NWD1: variants seen among roughly 807,000 people sequenced by gnomAD.
The protein encoded by NWD1 is NACHT domain- and WD repeat-containing protein 1.
A neutral mutation model predicts 135.1 loss-of-function variants in NWD1; 129 were observed. The observed-to-expected ratio is 0.96, with a 90% CI of 0.83 to 1.11. The LOEUF is 1.11. Ranked by LOEUF, NWD1 falls within the 50% of genes least tolerant of loss-of-function variation. The pLI is 0.00. For synonymous variants in NWD1, 773 were observed against 786.0 expected (o/e 0.98, Z 0.28); for missense variants, 1,740 against 1,851.3 (o/e 0.94, Z 1.10).
At chr19:16,721,886 G>T (rs1225798124) in intron 1 of NWD1, among the ~76,000 whole-genome samples, 1 of 152,144 alleles carries the variant, frequency 6.6e-6, no homozygotes, top group South Asian at 2.1e-4. Context: ...TGAGGCAGGA[G>T]GATGGCTTGA....
rs369215847 is a variant in NWD1, at chr19:16,762,161, T to TCC, written c.2133+26_2133+27dup. The TCC allele has an allele frequency of 1.2e-4, 196 of 1,604,614 alleles. No individual in the cohort carries two copies. The African/African-American group carries it at 2.3e-3, about 19-fold the overall frequency. On this transcript the variant is annotated intron_variant, in intron 8 of 18. Coordinates refer to ENST00000524140, the MANE Select transcript of NWD1 (RefSeq NM_001007525.5). ...AAGGTGAGGTACCTGGGACCCCCAT[T>TCC]CCCCACCTGCAACCTCCACCCTGCC...
intron 4 of NWD1, among the ~76,000 whole-genome samples, chr19:16,737,351 A>G (rs1235592099): frequency 6.6e-6 from 1 of 151,694 alleles, no homozygotes; most frequent in Non-Finnish European, 1.5e-5. Flanking sequence ...ACAGCCTTGA[A>G]CTCCTGGGCT....
chr19:16,815,520 T>C lies in NWD1; in HGVS notation c.*481T>C, dbSNP rs1022599400. On this transcript the variant is annotated 3_prime_UTR_variant, in exon 19 of 19. Coordinates refer to ENST00000524140, the MANE Select transcript of NWD1 (RefSeq NM_001007525.5). The stretch of plus-strand genomic sequence containing the variant: ...CTCTTTTTCATTTTCATTCTCAGAC[T>C]TGCCACCCCCAGGTTAGCAACATGG... The C allele has an allele frequency of 2.0e-5, 11 of 548,222 alleles. No individual in the cohort carries two copies. The highest frequency in any genetic ancestry group is 1.5e-4 in the African/African-American group (8 of 52,642). 34.0% of individuals were successfully genotyped at this position (548,222 alleles called of 1,614,324 possible).
rs762781688 is a variant in NWD1 at position 16,807,681 on chromosome 19, G to T, written c.3832G>T (p.Val1278Phe). The T allele has an allele frequency of 3.7e-6, 6 of 1,611,946 alleles. No individual in the cohort carries two copies. The highest frequency in any genetic ancestry group is 5.1e-6 in the Non-Finnish European group (6 of 1,178,802). ...KLLFTGLVSG[V>F]VLVFPLNSRQ... Reference sequence around the variant, plus strand: ...CCTATTTACGGGCCTCGTGTCGGGGGTCGTCCTTGTGTTCCCCCTGAATTC... The same window carrying T: ...CCTATTTACGGGCCTCGTGTCGGGGTTCGTCCTTGTGTTCCCCCTGAATTC... Residue 1278 changes from valine (V) to phenylalanine (F), a missense_variant, in exon 18 of 19, where the codon GTC becomes TTC. Val to Phe is a conservative substitution (Grantham distance 50). Coordinates refer to ENST00000524140, the MANE Select transcript of NWD1 (RefSeq NM_001007525.5).
intron 17 of NWD1, among the ~76,000 whole-genome samples, chr19:16,800,757 AG>A (rs951992545): frequency 6.6e-6 from 1 of 152,106 alleles, no homozygotes; most frequent in Admixed American, 6.6e-5. Context: ...AATCCTATTC[AG>A]GAACGCCCCA....
intron 11 of NWD1, among the ~76,000 whole-genome samples, chr19:16,775,184 T>C (rs1200604497): frequency 6.6e-6 from 1 of 152,000 alleles, no homozygotes; most frequent in African/African-American, 2.4e-5. Flanking sequence ...CTAAGTACAA[T>C]GCATGGAGGA....
At chr19:16,792,648 C>T (rs560570514) in intron 14 of NWD1, among the ~76,000 whole-genome samples, 1 of 151,938 alleles carries the variant, frequency 6.6e-6, no homozygotes, top group East Asian at 1.9e-4. Context: ...CACCACTGCA[C>T]TCCAGCCTGG....
intron 11 of NWD1, among the ~76,000 whole-genome samples, chr19:16,774,245 T>TA (rs1236840213): frequency 1.4e-5 from 2 of 142,898 alleles, no homozygotes; most frequent in East Asian, 4.5e-4. Flanking sequence ...ACCCACCCAT[T>TA]CATACATCAG....
chr19:16,732,893 T>A (rs1274775890), intron 3 of NWD1, among the ~76,000 whole-genome samples: 1 of 151,584 alleles, frequency 6.6e-6, no homozygotes, highest in Non-Finnish European at 1.5e-5. Context: ...CCTTGCTGCT[T>A]ATGAGAATGA....
rs571275303 is a variant in NWD1 at position 16,750,131 on chromosome 19, G to A, written c.1489G>A (p.Gly497Arg). 88 of 1,613,910 alleles carry A rather than the reference G, an allele frequency of 5.5e-5. No homozygotes were observed. Among genetic ancestry groups the A allele is most frequent in the South Asian group, 3.8e-4 (35 of 91,076 alleles). Residue 497 changes from glycine (G) to arginine (R), a missense_variant, in exon 6 of 19, where the codon GGA (glycine) becomes AGA (arginine). Transcript: ENST00000524140. Reference sequence around the variant, plus strand: ...CTACTGGGAGGTGAAGCCCCTTTCCGGAAACCAAGGCCAGCAGATGATCCA... The same window carrying A: ...CTACTGGGAGGTGAAGCCCCTTTCCAGAAACCAAGGCCAGCAGATGATCCA... ...EAYWEVKPLS[G>R]NQGQQMIQLL... is the part of the protein sequence containing the mutation.
intron 18 of NWD1, chr19:16,812,841 G>A (rs536086726): frequency 3.8e-6 from 3 of 780,938 alleles, no homozygotes; most frequent in East Asian, 2.4e-5. Flanking sequence ...TGTTTGGAGT[G>A]TGCTGGATGG....
At chr19:16,775,586 A>G (rs1180406484) in intron 11 of NWD1, among the ~76,000 whole-genome samples, 1 of 152,216 alleles carries the variant, frequency 6.6e-6, no homozygotes, top group Admixed American at 6.5e-5. Context: ...GCAGAACTAA[A>G]TATTTCCACT....
chr19:16,814,226 C>T (rs1448299577), intron 18 of NWD1, among the ~76,000 whole-genome samples: 2 of 152,168 alleles, frequency 1.3e-5, no homozygotes, highest in Non-Finnish European at 1.5e-5. Context: ...TCTCAACACT[C>T]ACTCCCATTT....
chr19:16,728,405 C>T (rs1967414363), intron 2 of NWD1, among the ~76,000 whole-genome samples: 1 of 150,608 alleles, frequency 6.6e-6, no homozygotes, highest in Non-Finnish European at 1.5e-5. Flanking sequence ...CTGCCTCAGC[C>T]TCCTGAGCAG....
intron 12 of NWD1, among the ~76,000 whole-genome samples, chr19:16,787,237 C>T (rs969578620): frequency 6.6e-6 from 1 of 152,056 alleles, no homozygotes; most frequent in Non-Finnish European, 1.5e-5. Context: ...AATGATCCTC[C>T]CACCTCAGCT....
Position 16,725,061 on chromosome 19 carries a change from G to T in NWD1, c.-7+598G>T, listed in dbSNP as rs1410302666. ...GGGTCTCACTCTGTCGCCCAGGCTGGAGTGCAGTGGTATGATCTTGGCTCA... is the reference window on the plus strand; with the variant it reads ...GGGTCTCACTCTGTCGCCCAGGCTGTAGTGCAGTGGTATGATCTTGGCTCA... On this transcript the variant is annotated intron_variant, in intron 2 of 18. Transcript: ENST00000524140. Among the ~76,000 whole-genome samples, 4 of 150,876 alleles carry T rather than the reference G, an allele frequency of 2.7e-5. No homozygotes were observed. The East Asian group carries it at 7.8e-4, about 29-fold the overall frequency.
rs376841816 is a variant in NWD1, at chr19:16,749,889, T to C, written c.1247T>C (p.Phe416Ser). The C allele has an allele frequency of 5.0e-6, 8 of 1,613,360 alleles. No individual in the cohort carries two copies. The African/African-American group carries it at 9.3e-5, about 19-fold the overall frequency. Residue 416 changes from phenylalanine (F) to serine (S), a missense_variant, in exon 6 of 19, where the codon TTT becomes TCT. By Grantham distance (155) the Phe-to-Ser change is radical. Coordinates refer to ENST00000524140, the MANE Select transcript of NWD1 (RefSeq NM_001007525.5). ...GACGCCCACACCAGGGTGGTCCAGT[T>C]TTTCCATACCCTCCTCCACACTGTC... Reference protein sequence around the residue: ...VLDAHTRVVQFFHTLLHTVSC... With the variant: ...VLDAHTRVVQSFHTLLHTVSC...
rs570651315 is a variant in NWD1 at position 16,797,093 on chromosome 19, T to A, written c.3305-639T>A. Among the ~76,000 whole-genome samples the A allele has an allele frequency of 3.3e-5, 5 of 151,144 alleles. No homozygotes were observed. In the South Asian group the frequency reaches 1.0e-3, roughly 32 times the overall value. On this transcript the variant is annotated intron_variant, in intron 15 of 18. Transcript: ENST00000524140. ...TACTCAGGAAGCTGAGGCAGGAGAA[T>A]CGCTTGAACCCAGGAGGCAGAGGTT...
rs571098200 is a variant in NWD1 at position 16,736,637 on chromosome 19, G to A, written c.85G>A (p.Val29Ile). The A allele has an allele frequency of 2.1e-5, 32 of 1,527,442 alleles. No individual in the cohort carries two copies. The African/African-American group carries it at 3.0e-4, about 14-fold the overall frequency. 94.6% of individuals were successfully genotyped at this position (1,527,442 alleles called of 1,614,324 possible). The change falls in exon 4 of 19, where the codon GTT becomes ATT. Residue 29 changes from valine to isoleucine, a missense_variant. Physicochemically the swap from Val to Ile is conservative, Grantham distance 29. Coordinates refer to ENST00000524140, the MANE Select transcript of NWD1 (RefSeq NM_001007525.5). Reference sequence around the variant, plus strand: ...AACTTGTGTTTCTATTTCCCAGGTCGTTGATCTGAGGTGGGGTATTCGGAA... The same window carrying A: ...AACTTGTGTTTCTATTTCCCAGGTCATTGATCTGAGGTGGGGTATTCGGAA... ...CQRHGLMFEV[V>I]DLRWGIRNIE...
Sources: gnomAD v4.1 joint callset for allele counts (sites outside exome capture counted in the v4.1 genomes callset) on GRCh38, gnomAD v4.1.1 for gene constraint, MANE v1.5 for transcripts, NCBI Gene and HGNC (gene_info 2026-07-23, HGNC 2026-07-21) for gene names.